MYO9A: variants seen among roughly 807,000 people sequenced by gnomAD.
MYO9A encodes the protein myosin IXA, also known as unconventional myosin-IXa.
In MYO9A, 103 loss-of-function variants were observed where a neutral mutation model predicts 293.3. The ratio of observed to expected loss-of-function variants is 0.35; its 90% CI spans 0.30 to 0.41. The LOEUF (loss-of-function observed/expected upper bound fraction) is 0.41, where lower values mean the gene tolerates loss of function less well. Ranked by LOEUF, MYO9A falls within the 10% of genes least tolerant of loss-of-function variation. MYO9A has a pLI of 1.00. For missense variants in MYO9A, 2,685 were observed against 3,033.0 expected (o/e 0.89, Z 2.69); for synonymous variants, 1,001 against 1,035.7 (o/e 0.97, Z 0.64).
intron 32 of MYO9A, among the ~76,000 whole-genome samples, chr15:71,873,783 T>G (rs1479592050): frequency 6.6e-6 from 1 of 152,228 alleles, no homozygotes; most frequent in East Asian, 1.9e-4. Flanking sequence ...TTCATATGCT[T>G]GTACATTTTT....
chr15:71,836,276 C>A (rs565458116), intron 39 of MYO9A, among the ~76,000 whole-genome samples: 1 of 151,980 alleles, frequency 6.6e-6, no homozygotes, highest in Non-Finnish European at 1.5e-5. Flanking sequence ...TATATATACA[C>A]ACACATTATA....
At chr15:72,059,568 TA>T (rs1279999062) in intron 1 of MYO9A, among the ~76,000 whole-genome samples, 1 of 152,224 alleles carries the variant, frequency 6.6e-6, no homozygotes, top group Admixed American at 6.5e-5. Flanking sequence ...CACTCTGTAT[TA>T]AAAGTAAAAC....
intron 11 of MYO9A, among the ~76,000 whole-genome samples, chr15:71,982,601 T>C (rs1379165625): frequency 6.6e-6 from 1 of 152,220 alleles, no homozygotes; most frequent in Non-Finnish European, 1.5e-5. Context: ...GTTTCAGGCC[T>C]AAGGGCAGGA....
chr15:72,046,254 G>T lies in MYO9A; in HGVS notation c.310C>A (p.Arg104Ser). The T allele has an allele frequency of 6.2e-7, 1 of 1,613,974 alleles. No individual in the cohort carries two copies. Among genetic ancestry groups the T allele is most frequent in the Non-Finnish European group, 8.5e-7 (1 of 1,179,882 alleles). ...AGGTTTTTCTCTCTCAGAAGGAAGC[G>T]GTAGTCCTCTCCACTTAAGCGATTT... ...LENRLSGEDY[R>S]FLLREKNLDG... The change falls in exon 2 of 42, where the codon CGC becomes AGC. Residue 104 changes from arginine (R) to serine (S), a missense_variant. Arg to Ser is a moderately radical substitution (Grantham distance 110). This residue lies in a region of MYO9A where 63 missense variants were observed against 57.9 expected (regional missense o/e 1.09). Transcript: ENST00000356056.
At chr15:72,096,307 C>T (rs571330903) in intron 1 of MYO9A, among the ~76,000 whole-genome samples, 3 of 152,130 alleles carry the variant, frequency 2.0e-5, no homozygotes, top group South Asian at 4.1e-4. Flanking sequence ...CACCGCACTC[C>T]GGCCTGGGCA....
chr15:71,972,846 G>T lies in MYO9A; in HGVS notation c.1845-4721C>A, dbSNP rs186419017. 4.9e-3 allele frequency among the ~76,000 whole-genome samples: 747 copies of T among 152,142 alleles called. 3 individuals carry two copies. The highest frequency in any genetic ancestry group is 6.9e-3 in the Non-Finnish European group (469 of 68,002). ...GTATGAAGCCATAGCTGCTATGCTC[G>T]GTTATTAAAGGTAAAAGTTATCAGT... is the stretch of plus-strand genomic sequence containing the variant. On this transcript the variant is annotated intron_variant, in intron 12 of 41. Coordinates refer to ENST00000356056, the MANE Select transcript of MYO9A (RefSeq NM_006901.4).
intron 6 of MYO9A, among the ~76,000 whole-genome samples, chr15:72,016,533 C>T (rs1386371597): frequency 2.0e-5 from 3 of 152,178 alleles, no homozygotes; most frequent in Non-Finnish European, 4.4e-5. Context: ...GAAGAGTCCT[C>T]AAACAATCCT....
chr15:71,965,108 TATA>T (rs1413979210), intron 13 of MYO9A, among the ~76,000 whole-genome samples: 2 of 151,732 alleles, frequency 1.3e-5, no homozygotes, highest in African/African-American at 4.8e-5. Flanking sequence ...TATAAAATAT[TATA>T]ATTTTAATAA....
chr15:72,021,036 T>C lies in MYO9A; in HGVS notation c.999-19A>G, dbSNP rs758152273. 6.8e-7 allele frequency: 1 copy of C among 1,476,840 alleles called. No homozygotes were observed. Among genetic ancestry groups the C allele is most frequent in the East Asian group, 2.5e-5 (1 of 39,354 alleles). 91.5% of individuals were successfully genotyped at this position (1,476,840 alleles called of 1,614,324 possible). On this transcript the variant is annotated intron_variant, in intron 4 of 41. Transcript: ENST00000356056. Reference sequence around the variant, plus strand: ...ATAGTTCCTGTGGGAAACAAAGAAGTACAAGTTTCATAATGTGTGACTTAT... The same window carrying C: ...ATAGTTCCTGTGGGAAACAAAGAAGCACAAGTTTCATAATGTGTGACTTAT...
At chr15:71,978,851 T>C (rs2076205757) in intron 11 of MYO9A, among the ~76,000 whole-genome samples, 1 of 152,096 alleles carries the variant, frequency 6.6e-6, no homozygotes, top group South Asian at 2.1e-4. Flanking sequence ...GAGTAACTAC[T>C]TAAAATCATC....
At position 71,959,924 on chromosome 15, in the gene MYO9A, T is replaced by C; in HGVS notation, c.2159A>G (p.Lys720Arg). ...ACCAGTTTTTCTGTGAATGTTTCTT[T>C]TCCCAGCTTCCCTGAAAGCAACCAT... ...RAMVAFREAG[K>R]RNIHRKTGHD... Residue 720 changes from lysine (K) to arginine (R), a missense_variant, in exon 14 of 42, where the codon AAA becomes AGA. Lys to Arg is a conservative substitution (Grantham distance 26, BLOSUM62 2). Coordinates refer to ENST00000356056, the MANE Select transcript of MYO9A (RefSeq NM_006901.4). 1 of 1,613,922 alleles carries C rather than the reference T, an allele frequency of 6.2e-7. No individual in the cohort carries two copies.
intron 39 of MYO9A, among the ~76,000 whole-genome samples, chr15:71,846,449 G>C (rs1176103994): frequency 6.6e-6 from 1 of 152,162 alleles, no homozygotes; most frequent in Non-Finnish European, 1.5e-5. Flanking sequence ...TAAAGGTCTA[G>C]TCTGCCCTGG....
intron 1 of MYO9A, among the ~76,000 whole-genome samples, chr15:72,061,069 C>T (rs1380303750): frequency 6.6e-6 from 1 of 152,164 alleles, no homozygotes; most frequent in African/African-American, 2.4e-5. Flanking sequence ...CCTAGACACA[C>T]CCTGAACCAG....
intron 18 of MYO9A, among the ~76,000 whole-genome samples, chr15:71,930,907 T>C (rs754265017): frequency 5.9e-5 from 9 of 152,212 alleles, no homozygotes; most frequent in Non-Finnish European, 1.3e-4. Flanking sequence ...TACTTACAAC[T>C]GGCTATTTTA....
At chr15:71,920,045 A>G (rs140975043) in intron 18 of MYO9A, among the ~76,000 whole-genome samples, 1 of 152,290 alleles carries the variant, frequency 6.6e-6, no homozygotes, top group African/African-American at 2.4e-5. Flanking sequence ...ACATTAAAAA[A>G]TAATTCAATC....
At chr15:72,089,619 A>G (rs2079844703) in intron 1 of MYO9A, among the ~76,000 whole-genome samples, 1 of 152,126 alleles carries the variant, frequency 6.6e-6, no homozygotes, top group Non-Finnish European at 1.5e-5. Flanking sequence ...GTCTCTACAA[A>G]AAATTTTAAA....
chr15:71,853,944 A>T (rs2055761941), intron 35 of MYO9A, among the ~76,000 whole-genome samples: 1 of 152,228 alleles, frequency 6.6e-6, no homozygotes, highest in Non-Finnish European at 1.5e-5. Flanking sequence ...TTTGGGCAAG[A>T]TCTTCTGTAA....
intron 32 of MYO9A, 127 bp from the exon 33 acceptor site, chr15:71,862,738 T>A: frequency 1.7e-6 from 1 of 590,652 alleles, no homozygotes; most frequent in Non-Finnish European, 3.0e-6. Flanking sequence ...ACAATTAGGA[T>A]CTTTTGAGAA....
chr15:71,855,549 T>C lies in MYO9A; in HGVS notation c.6154-980A>G, dbSNP rs1356767927. Among the ~76,000 whole-genome samples the C allele has an allele frequency of 2.0e-5, 3 of 152,214 alleles. No homozygotes were observed. In the East Asian group the frequency reaches 5.8e-4, roughly 29 times the overall value. ...CACTGAAAAGAAAAATGGCAGGTAT[T>C]ATCTCTGAGACTGAAAATTGTTTTG... On this transcript the variant is annotated intron_variant, in intron 34 of 41. Transcript: ENST00000356056.
Sources: gnomAD v4.1 joint callset for allele counts (sites outside exome capture counted in the v4.1 genomes callset) on GRCh38, gnomAD v4.1.1 for gene constraint, gnomAD v4.1.1 regional missense constraint, MANE v1.5 for transcripts, NCBI Gene and HGNC (gene_info 2026-07-23, HGNC 2026-07-21) for gene names.